Variants in NAA35 observed in about 807,000 individuals in gnomAD.
NAA35 encodes the protein N-alpha-acetyltransferase 35, NatC auxiliary subunit.
Under a neutral mutation model 101.7 loss-of-function variants are expected in NAA35, and 18 were observed. The ratio of observed to expected loss-of-function variants is 0.18; its 90% CI spans 0.12 to 0.26. The LOEUF is 0.26. Ranked by LOEUF, NAA35 falls within the 10% of genes least tolerant of loss-of-function variation. The probability of loss-of-function intolerance (pLI) is 1.00; values close to 1 mark genes in which losing one functional copy is unlikely to be tolerated. For synonymous variants in NAA35, 267 were observed against 273.1 expected, an observed-to-expected ratio of 0.98 and a Z score of 0.22; for missense variants, 601 against 886.8, an observed-to-expected ratio of 0.68 and a Z score of 4.09.
At chr9:86,007,316 C>A (rs776206701) in intron 13 of NAA35, 42 bp from the exon 14 acceptor site, 28 of 1,361,686 alleles carry the variant, frequency 2.1e-5, no homozygotes, top group Non-Finnish European at 2.8e-5. Context: ...AATGACAATT[C>A]TGTGCGTGAC....
Position 86,022,213 on chromosome 9 carries a change from C to A in NAA35, c.*253C>A. 6.5e-6 allele frequency: 2 copies of A among 306,164 alleles called. No individual in the cohort carries two copies. Among genetic ancestry groups the A allele is most frequent in the South Asian group, 1.1e-4 (1 of 9,242 alleles). The allele number at this position is 306,164 out of a possible 1,614,324, so 19.0% of individuals were successfully genotyped here. A position where few individuals can be genotyped will look rare whatever the true frequency, so the allele number is the denominator to read the frequency against. ...TGATGAACGTTATATGGTTTTATTACAGATTTAATCACAAATCATTTTTTA... is the reference window on the plus strand; with the variant it reads ...TGATGAACGTTATATGGTTTTATTAAAGATTTAATCACAAATCATTTTTTA... On this transcript the variant is annotated 3_prime_UTR_variant, in exon 23 of 23. Transcript: ENST00000361671.
rs187746109 is a variant in NAA35 at position 86,009,284 on chromosome 9, C to A, written c.1224-581C>A. On this transcript the variant is annotated intron_variant, in intron 14 of 22. Transcript: ENST00000361671. ...CTTCCCATTTCACCAACTGCCTGTTCCAGGTGTTGACCTTTTTTCTTTCTC... is the reference window on the plus strand; with the variant it reads ...CTTCCCATTTCACCAACTGCCTGTTACAGGTGTTGACCTTTTTTCTTTCTC... 2.3e-3 allele frequency among the ~76,000 whole-genome samples: 352 copies of A among 152,254 alleles called. 1 individual carries two copies. The highest frequency in any genetic ancestry group is 8.2e-3 in the African/African-American group (339 of 41,550).
chr9:86,020,661 CAGTG>C (rs1474662512), intron 21 of NAA35, among the ~76,000 whole-genome samples: 2 of 151,760 alleles, frequency 1.3e-5, no homozygotes, highest in African/African-American at 2.4e-5. Context: ...CTGGGCAACA[CAGTG>C]AGATCTTGTC....
chr9:85,987,795 A>G (rs1019818115), intron 11 of NAA35, among the ~76,000 whole-genome samples: 3 of 152,254 alleles, frequency 2.0e-5, no homozygotes, highest in Non-Finnish European at 4.4e-5. Flanking sequence ...TTGAGAATGG[A>G]TAGATTTTCT....
At chr9:86,021,406 C>G (rs1281416566) in intron 22 of NAA35, among the ~76,000 whole-genome samples, 2 of 152,168 alleles carry the variant, frequency 1.3e-5, no homozygotes, top group East Asian at 3.9e-4. Flanking sequence ...CATTTCAGAG[C>G]AGAGATTCTG....
At chr9:85,992,813 T>C (rs1830974762) in intron 11 of NAA35, among the ~76,000 whole-genome samples, 1 of 152,220 alleles carries the variant, frequency 6.6e-6, no homozygotes, top group African/African-American at 2.4e-5. Context: ...TGATAGTAGT[T>C]GCTCAGTGTT....
chr9:85,950,025 C>G (rs1215793878), intron 2 of NAA35, among the ~76,000 whole-genome samples: 2 of 152,098 alleles, frequency 1.3e-5, no homozygotes, highest in Admixed American at 1.3e-4. Flanking sequence ...TGTCATTGCT[C>G]TGATGGCTAA....
At chr9:86,011,821 ACACT>A (rs1306534264) in intron 15 of NAA35, among the ~76,000 whole-genome samples, 1 of 144,964 alleles carries the variant, frequency 6.9e-6, no homozygotes, top group Non-Finnish European at 1.5e-5. Context: ...TACATCACAA[ACACT>A]CAGGTTTAGT....
intron 6 of NAA35, chr9:85,966,656 C>T (rs552712204): frequency 1.2e-5 from 16 of 1,295,362 alleles, no homozygotes; most frequent in Non-Finnish European, 1.6e-5. Context: ...TGAAAATGTT[C>T]AATGTTGGAA....
chr9:85,988,425 A>C (rs930138806), intron 11 of NAA35, among the ~76,000 whole-genome samples: 2 of 152,240 alleles, frequency 1.3e-5, no homozygotes, highest in African/African-American at 4.8e-5. Context: ...GGCAGAGTTC[A>C]GGAAAGCAGT....
At chr9:85,953,311 C>T (rs767877934) in intron 2 of NAA35, among the ~76,000 whole-genome samples, 1 of 151,740 alleles carries the variant, frequency 6.6e-6, no homozygotes, top group Non-Finnish European at 1.5e-5. Flanking sequence ...CAAGCATCAC[C>T]ACCATTCATA....
chr9:85,965,779 TTTTTC>T (rs1829717966), intron 6 of NAA35, among the ~76,000 whole-genome samples: 1 of 152,180 alleles, frequency 6.6e-6, no homozygotes, highest in Admixed American at 6.5e-5. Context: ...TGCTACCACT[TTTTTC>T]TTTTTTAAAA....
intron 6 of NAA35, among the ~76,000 whole-genome samples, chr9:85,973,139 C>A (rs948451492): frequency 6.6e-6 from 1 of 152,040 alleles, no homozygotes; most frequent in Admixed American, 6.5e-5. Flanking sequence ...GAGAGGAGAA[C>A]GTGTTTGGTA....
At chr9:86,015,844 AGATATAT>A in intron 17 of NAA35, 1 of 926,580 alleles carries the variant, frequency 1.1e-6, no homozygotes, top group South Asian at 5.0e-5. Flanking sequence ...ACTTGAATTA[AGATATAT>A]GAGTTGTTAT....
At chr9:85,943,591 C>T (rs1169910825) in intron 2 of NAA35, among the ~76,000 whole-genome samples, 4 of 151,958 alleles carry the variant, frequency 2.6e-5, no homozygotes, top group South Asian at 2.1e-4. Flanking sequence ...GTGGAAAGGA[C>T]GTAAGACTGG....
At chr9:85,981,336 A>G (rs1476466355) in intron 11 of NAA35, among the ~76,000 whole-genome samples, 1 of 152,210 alleles carries the variant, frequency 6.6e-6, no homozygotes, top group Non-Finnish European at 1.5e-5. Flanking sequence ...CCACTATATA[A>G]TAAATGACTT....
intron 11 of NAA35, among the ~76,000 whole-genome samples, chr9:85,995,126 C>T (rs1173830330): frequency 6.6e-6 from 1 of 151,890 alleles, no homozygotes; most frequent in African/African-American, 2.4e-5. Context: ...TGTAGTACCT[C>T]AACAGTTTAA....
chr9:85,978,486 G>T (rs182282750), intron 11 of NAA35, 105 bp downstream of exon 11: 1 of 710,244 alleles, frequency 1.4e-6, no homozygotes, highest in Non-Finnish European at 2.5e-6. Context: ...TGTACCTTGG[G>T]ATGTTTTAAT....
chr9:85,965,180 C>T (rs1829691549), intron 6 of NAA35, among the ~76,000 whole-genome samples: 1 of 152,222 alleles, frequency 6.6e-6, no homozygotes, highest in Non-Finnish European at 1.5e-5. Flanking sequence ...AGCAGTTTCA[C>T]TTCTAGCACT....
Sources: gnomAD v4.1 joint callset for allele counts (sites outside exome capture counted in the v4.1 genomes callset) on GRCh38, gnomAD v4.1.1 for gene constraint, MANE v1.5 for transcripts, NCBI Gene and HGNC (gene_info 2026-07-23, HGNC 2026-07-21) for gene names.